The following CSTL1 variants were observed in gnomAD, a reference collection of about 807,000 sequenced individuals.
The protein encoded by CSTL1 is cystatin-like 1.
A neutral mutation model predicts 14.4 loss-of-function variants in CSTL1; 14 were observed. The ratio of observed to expected loss-of-function variants is 0.97; its 90% CI spans 0.64 to 1.52. The LOEUF (loss-of-function observed/expected upper bound fraction) is 1.52. Ranked by LOEUF, CSTL1 falls within the 40% of genes most tolerant of loss-of-function variation. The pLI is 0.00. For missense variants in CSTL1, 170 were observed against 168.7 expected (o/e 1.01, Z -0.04); for synonymous variants, 72 against 67.5 (o/e 1.07, Z -0.33).
intron 3 of CSTL1, among the ~76,000 whole-genome samples, chr20:23,444,564 C>A (rs1430556670): frequency 6.6e-6 from 1 of 152,152 alleles, no homozygotes; most frequent in Non-Finnish European, 1.5e-5. Flanking sequence ...TGCTGTGGGT[C>A]CCAAGTGGCT....
chr20:23,444,962 C>T, downstream of CSTL1: 1 of 841,372 alleles, frequency 1.2e-6, no homozygotes, highest in Admixed American at 1.9e-5. Context: ...ATTACACATG[C>T]ACACACACAC....
chr20:23,446,762 A>G (rs1076776), downstream of CSTL1, among the ~76,000 whole-genome samples: 12,085 of 152,226 alleles, frequency 0.079, 680 homozygotes, highest in East Asian at 0.29. Context: ...CAGTGTGCCT[A>G]TTGTACCACT....
chr20:23,451,788 T>G, the CSTL1 span: 1 of 1,529,764 alleles, frequency 6.5e-7, no homozygotes, highest in South Asian at 1.1e-5. Context: ...AGGACTTCTG[T>G]CTACGTTAAA....
chr20:23,444,448 C>T (rs1986920446), intron 3 of CSTL1, among the ~76,000 whole-genome samples: 1 of 152,216 alleles, frequency 6.6e-6, no homozygotes, highest in Non-Finnish European at 1.5e-5. Flanking sequence ...AAGGGGCTCC[C>T]CCATGCCTGG....
chr20:23,456,822 G>A, the CSTL1 span, among the ~76,000 whole-genome samples: 1 of 152,094 alleles, frequency 6.6e-6, no homozygotes, highest in African/African-American at 2.4e-5. Context: ...CATCATCAAA[G>A]CCAGCATGGA....
intron 2 of CSTL1, among the ~76,000 whole-genome samples, chr20:23,442,873 A>G (rs1986867809): frequency 1.3e-5 from 2 of 152,114 alleles, no homozygotes; most frequent in South Asian, 4.1e-4. Context: ...TAATCCACAT[A>G]TCTACTCAGG....
In CSTL1 at chr20:23,441,467, C is replaced by T. The variant is rs1986829298; in HGVS notation, c.219+981C>T. ...ATAAACTATACAGTCCCCTTGGTGT[C>T]CATGAGGAATTGGTTCCAGGACCCC... On this transcript the variant is annotated intron_variant, in intron 2 of 3. Coordinates refer to ENST00000347397, the MANE Select transcript of CSTL1 (RefSeq NM_138283.1). Among the ~76,000 whole-genome samples the T allele has an allele frequency of 2.6e-5, 4 of 152,292 alleles. No homozygotes were observed. The South Asian group carries it at 6.2e-4, about 24-fold the overall frequency.
the CSTL1 span, among the ~76,000 whole-genome samples, chr20:23,453,913 A>T: frequency 3.3e-5 from 5 of 152,012 alleles, no homozygotes; most frequent in Non-Finnish European, 7.4e-5. Context: ...ACATACCTAC[A>T]CACACAGTCA....
chr20:23,442,995 C>T (rs1388077144), intron 2 of CSTL1, among the ~76,000 whole-genome samples: 1 of 152,224 alleles, frequency 6.6e-6, no homozygotes, highest in African/African-American at 2.4e-5. Flanking sequence ...CCAACCCCTG[C>T]AGGCTTCATG....
At chr20:23,461,186 C>A in the CSTL1 span, among the ~76,000 whole-genome samples, 4 of 152,216 alleles carry the variant, frequency 2.6e-5, no homozygotes, top group Non-Finnish European at 4.4e-5. Context: ...GCATTTTTAG[C>A]AGTAAATCAT....
At chr20:23,453,021 C>CCA in the CSTL1 span, among the ~76,000 whole-genome samples, 2 of 151,908 alleles carry the variant, frequency 1.3e-5, no homozygotes, top group Non-Finnish European at 1.5e-5. Flanking sequence ...TAAGTTCATG[C>CCA]CACACACACA....
the CSTL1 span, chr20:23,451,802 C>T: frequency 4.4e-6 from 7 of 1,602,374 alleles, no homozygotes; most frequent in Admixed American, 5.0e-5. Context: ...CGTTAAAGTG[C>T]TTTTACCCAA....
the CSTL1 span, chr20:23,458,811 G>A: frequency 6.6e-6 from 1 of 152,208 alleles, no homozygotes; most frequent in Non-Finnish European, 1.5e-5. Context: ...TGGAATTGCT[G>A]GGCCTCAGAG....
chr20:23,449,512 C>T (rs1316994859), downstream of CSTL1, among the ~76,000 whole-genome samples: 1 of 152,138 alleles, frequency 6.6e-6, no homozygotes, highest in African/African-American at 2.4e-5. Flanking sequence ...ACAAGATCTT[C>T]CTCCCTTTCT....
At chr20:23,454,010 A>T in the CSTL1 span, among the ~76,000 whole-genome samples, 1 of 151,560 alleles carries the variant, frequency 6.6e-6, no homozygotes, top group African/African-American at 2.4e-5. Flanking sequence ...ACACACCTAC[A>T]TGTATACATC....
chr20:23,451,546 C>T, the CSTL1 span, among the ~76,000 whole-genome samples: 6 of 152,188 alleles, frequency 3.9e-5, no homozygotes, highest in Non-Finnish European at 8.8e-5. Flanking sequence ...CTGCTTCCCT[C>T]GCCCCAGAGT....
rs745786886 is a variant in CSTL1 at position 23,440,249 on chromosome 20, A to G, written c.-19A>G. The G allele has an allele frequency of 1.2e-6, 2 of 1,613,158 alleles. No homozygotes were observed. The highest frequency in any genetic ancestry group is 1.7e-6 in the Non-Finnish European group (2 of 1,179,816). On this transcript the variant is annotated 5_prime_UTR_variant, in exon 2 of 4. Transcript: ENST00000347397. Reference sequence around the variant, plus strand: ...CCCTGGAAGGTGCAGTTGGGAAGAAAGTTTCTGAGGCTGTAGACATGGGGA... The same window carrying G: ...CCCTGGAAGGTGCAGTTGGGAAGAAGGTTTCTGAGGCTGTAGACATGGGGA...
the CSTL1 span, among the ~76,000 whole-genome samples, chr20:23,454,169 ACAC>A: frequency 2.0e-5 from 3 of 150,950 alleles, no homozygotes; most frequent in African/African-American, 7.3e-5. Context: ...CATACTACAC[ACAC>A]ATCTACACAT....
the CSTL1 span, among the ~76,000 whole-genome samples, chr20:23,454,502 A>G: frequency 1.3e-5 from 2 of 152,118 alleles, no homozygotes; most frequent in Non-Finnish European, 2.9e-5. Context: ...CCCAAAACTC[A>G]TGGACCTCAG....
Sources: gnomAD v4.1 joint callset for allele counts (sites outside exome capture counted in the v4.1 genomes callset) on GRCh38, gnomAD v4.1.1 for gene constraint, MANE v1.5 for transcripts, NCBI Gene and HGNC (gene_info 2026-07-23, HGNC 2026-07-21) for gene names.